Variants in CNTNAP2 observed in about 807,000 individuals in gnomAD.
CNTNAP2 encodes contactin associated protein 2.
CNTNAP2 carries 98 observed loss-of-function variants against 155.2 expected under a neutral mutation model. The ratio of observed to expected loss-of-function variants is 0.63; its 90% confidence interval spans 0.54 to 0.75. CNTNAP2 has a LOEUF of 0.75. Among genes scored for constraint, CNTNAP2 ranks in the 30% least tolerant of loss-of-function variants. The pLI, the probability that CNTNAP2 is intolerant of heterozygous loss-of-function variation, is 0.00. For synonymous variants in CNTNAP2, 651 were observed against 631.2 expected (o/e 1.03, Z -0.47); for missense variants, 1,727 against 1,688.1 (o/e 1.02, Z -0.40).
intron 9 of CNTNAP2, among the ~76,000 whole-genome samples, chr7:147,370,848 G>A (rs1168563220): frequency 6.6e-6 from 1 of 152,012 alleles, no homozygotes. Flanking sequence ...CATTTAGAAA[G>A]TTAAAAAATA....
intron 1 of CNTNAP2, among the ~76,000 whole-genome samples, chr7:146,469,518 CTTT>C (rs544057518): frequency 1.4e-3 from 182 of 129,066 alleles, no homozygotes; most frequent in Middle Eastern, 4.3e-3. Flanking sequence ...TAATAATTGA[CTTT>C]TTTTTTTTTT....
intron 1 of CNTNAP2, among the ~76,000 whole-genome samples, chr7:146,340,214 G>A (rs7785552): frequency 0.071 from 10,155 of 142,882 alleles, 853 homozygotes; most frequent in African/African-American, 0.19. Flanking sequence ...GTTGAAGAGA[G>A]AAATGAATCA....
intron 4 of CNTNAP2, among the ~76,000 whole-genome samples, chr7:147,065,452 G>C (rs1799760371): frequency 6.6e-6 from 1 of 152,140 alleles, no homozygotes; most frequent in African/African-American, 2.4e-5. Context: ...TAATTCTTAA[G>C]TACAATTTAA....
At chr7:148,255,050 G>A (rs553488943) in intron 20 of CNTNAP2, among the ~76,000 whole-genome samples, 2 of 152,054 alleles carry the variant, frequency 1.3e-5, no homozygotes, top group South Asian at 2.1e-4. Context: ...TATGTGTAAC[G>A]GTTAAAGTTG....
chr7:147,028,342 T>C (rs558727969), intron 3 of CNTNAP2, among the ~76,000 whole-genome samples: 2 of 152,342 alleles, frequency 1.3e-5, no homozygotes, highest in East Asian at 1.9e-4. Flanking sequence ...CAATACAAAA[T>C]AATGCAATAT....
Position 147,112,334 on chromosome 7 carries a change from C to T in CNTNAP2, c.754+3984C>T, listed in dbSNP as rs183162739. Among the ~76,000 whole-genome samples the T allele has an allele frequency of 1.7e-4, 26 of 152,206 alleles. No individual in the cohort carries two copies. The East Asian group carries it at 4.6e-3, about 27-fold the overall frequency. ...GACATCTGCAAAGATAATTTGACTT[C>T]CTTTCTTCCTATTTGAATACCCTTT... On this transcript the variant is annotated intron_variant, in intron 5 of 23. Coordinates refer to ENST00000361727, the MANE Select transcript of CNTNAP2 (RefSeq NM_014141.6).
chr7:148,364,114 G>C (rs952897038), intron 21 of CNTNAP2, among the ~76,000 whole-genome samples: 1 of 152,164 alleles, frequency 6.6e-6, no homozygotes, highest in Non-Finnish European at 1.5e-5. Flanking sequence ...GCTCCTGTGC[G>C]GCCCGAGCCT....
At chr7:147,844,933 C>T (rs202075535) in intron 13 of CNTNAP2, among the ~76,000 whole-genome samples, 854 of 132,422 alleles carry the variant, frequency 6.4e-3, no homozygotes, top group Admixed American at 8.5e-3. Context: ...CCTTGCATCC[C>T]AGGGATGAAG....
chr7:146,969,790 C>T lies in CNTNAP2; in HGVS notation c.403-74117C>T, dbSNP rs570756210. On this transcript the variant is annotated intron_variant, in intron 3 of 23. Transcript: ENST00000361727. Reference sequence around the variant, plus strand: ...CAAAAGAACACAGCTGGAGGTATCACGCTACCTGACTTCAAACTATACTAC... The same window carrying T: ...CAAAAGAACACAGCTGGAGGTATCATGCTACCTGACTTCAAACTATACTAC... Among the ~76,000 whole-genome samples the T allele has an allele frequency of 6.2e-4, 94 of 152,192 alleles. 1 individual carries two copies. Among genetic ancestry groups the T allele is most frequent in the Admixed American group, 1.1e-3 (17 of 15,274 alleles).
intron 2 of CNTNAP2, among the ~76,000 whole-genome samples, chr7:146,779,420 G>T (rs1015342877): frequency 6.6e-6 from 1 of 152,098 alleles, no homozygotes; most frequent in Non-Finnish European, 1.5e-5. Flanking sequence ...CATATCTTCT[G>T]CTGGAACCCA....
chr7:147,026,754 G>A (rs1376207455), intron 3 of CNTNAP2, among the ~76,000 whole-genome samples: 1 of 151,460 alleles, frequency 6.6e-6, no homozygotes, highest in Non-Finnish European at 1.5e-5. Context: ...ATAAGCTAAT[G>A]GCTATTAAGA....
chr7:147,301,171 G>T (rs1275290033), intron 9 of CNTNAP2, among the ~76,000 whole-genome samples: 1 of 152,144 alleles, frequency 6.6e-6, no homozygotes, highest in Non-Finnish European at 1.5e-5. Flanking sequence ...AAGAAGACAT[G>T]TTGTCACAAA....
At chr7:147,475,483 C>T (rs1461081735) in intron 10 of CNTNAP2, among the ~76,000 whole-genome samples, 1 of 151,714 alleles carries the variant, frequency 6.6e-6, no homozygotes, top group Admixed American at 6.6e-5. Context: ...GTGAACTGCC[C>T]TGTTCAAACC....
chr7:146,222,420 T>G (rs151000168), intron 1 of CNTNAP2, among the ~76,000 whole-genome samples: 1 of 151,992 alleles, frequency 6.6e-6, no homozygotes, highest in African/African-American at 2.4e-5. Context: ...AGAAAATCAA[T>G]GGTCAGATAT....
At chr7:147,807,848 T>C (rs1051818995) in intron 13 of CNTNAP2, among the ~76,000 whole-genome samples, 46 of 152,256 alleles carry the variant, frequency 3.0e-4, no homozygotes, top group Middle Eastern at 3.4e-3. Context: ...AAGCATTAAA[T>C]CATGAATAAA....
chr7:147,176,883 TA>T (rs1802358127), intron 8 of CNTNAP2, among the ~76,000 whole-genome samples: 1 of 126,940 alleles, frequency 7.9e-6, no homozygotes, highest in Admixed American at 8.7e-5. Context: ...TTATAATATA[TA>T]ATTATATATT....
At chr7:147,189,602 T>A (rs1171631641) in intron 8 of CNTNAP2, among the ~76,000 whole-genome samples, 1 of 152,194 alleles carries the variant, frequency 6.6e-6, no homozygotes, top group Non-Finnish European at 1.5e-5. Flanking sequence ...CACACATCTG[T>A]ATGCATACAT....
At chr7:147,887,928 T>C (rs979019708) in intron 13 of CNTNAP2, among the ~76,000 whole-genome samples, 1 of 152,202 alleles carries the variant, frequency 6.6e-6, no homozygotes, top group South Asian at 2.1e-4. Context: ...ATTTGAATGG[T>C]TGGAGAAAAC....
At chr7:146,763,562 C>T (rs151235909) in intron 1 of CNTNAP2, among the ~76,000 whole-genome samples, 18 of 152,262 alleles carry the variant, frequency 1.2e-4, no homozygotes, top group African/African-American at 3.8e-4. Context: ...TAACTTTGCA[C>T]TCAGCGTCAC....
Sources: allele counts gnomAD v4.1 joint callset (sites outside exome capture counted in the v4.1 genomes callset), GRCh38; gene constraint gnomAD v4.1.1; transcripts MANE v1.5; gene names NCBI Gene and HGNC (gene_info 2026-07-23, HGNC 2026-07-21).